Variants in DPY19L1 observed in about 807,000 individuals in gnomAD.
The protein encoded by DPY19L1 is dpy-19 like C-mannosyltransferase 1.
Under a neutral mutation model 96.9 loss-of-function variants are expected in DPY19L1, and 35 were observed. The observed-to-expected ratio is 0.36, with a 90% CI of 0.28 to 0.48. DPY19L1 has a LOEUF of 0.48. Among genes scored for constraint, DPY19L1 ranks in the 20% least tolerant of loss-of-function variants. The pLI is 0.99. For missense variants in DPY19L1, 521 were observed against 777.9 expected (o/e 0.67, Z 3.93); for synonymous variants, 205 against 252.6 (o/e 0.81, Z 1.79).
rs2128667739 is a variant in DPY19L1, at chr7:34,969,541, GATAAA to G, written c.915-14_915-10del. ...TATAAAGTTTTGTAGCCCTTGAAAA[GATAAA>G]ATAAGTGTTAGTAAGTTTAAACACG... On this transcript the variant is annotated splice_polypyrimidine_tract_variant and intron_variant, in intron 8 of 21. Coordinates refer to ENST00000638088, the MANE Select transcript of DPY19L1 (RefSeq NM_001366673.1). The G allele has an allele frequency of 6.7e-7, 1 of 1,486,078 alleles. No homozygotes were observed. The highest frequency in any genetic ancestry group is 1.4e-5 in the African/African-American group (1 of 69,954). 92.1% of individuals were successfully genotyped at this position (1,486,078 alleles called of 1,614,324 possible).
chr7:35,024,102 C>T (rs1366248596), intron 1 of DPY19L1, among the ~76,000 whole-genome samples: 1 of 152,040 alleles, frequency 6.6e-6, no homozygotes, highest in Non-Finnish European at 1.5e-5. Flanking sequence ...TCCCAAAGTG[C>T]CGGGATAACA....
chr7:34,957,424 A>G (rs372169800), intron 11 of DPY19L1, among the ~76,000 whole-genome samples: 6 of 152,190 alleles, frequency 3.9e-5, no homozygotes, highest in Admixed American at 2.6e-4. Context: ...TCATCCTGCC[A>G]TATGTAGCAG....
At chr7:35,008,570 G>A (rs1333733853) in intron 6 of DPY19L1, among the ~76,000 whole-genome samples, 1 of 152,218 alleles carries the variant, frequency 6.6e-6, no homozygotes, top group Non-Finnish European at 1.5e-5. Context: ...GCACACACTT[G>A]TAGTTCCAGC....
intron 6 of DPY19L1, among the ~76,000 whole-genome samples, chr7:34,996,573 C>T (rs978049303): frequency 2.0e-5 from 3 of 152,096 alleles, no homozygotes; most frequent in Non-Finnish European, 4.4e-5. Flanking sequence ...CTCAGGCTCC[C>T]ATCGTCTTCC....
intron 6 of DPY19L1, among the ~76,000 whole-genome samples, chr7:35,007,845 T>C (rs2128677271): frequency 6.6e-6 from 1 of 152,256 alleles, no homozygotes; most frequent in Middle Eastern, 3.4e-3. Context: ...AAGTGTTCTA[T>C]GAGATCATAC....
chr7:34,951,199 T>C (rs905118751), intron 13 of DPY19L1, among the ~76,000 whole-genome samples: 6 of 151,850 alleles, frequency 4.0e-5, no homozygotes, highest in African/African-American at 7.3e-5. Flanking sequence ...AAGGAAGAAA[T>C]AGAAAAGTTG....
chr7:34,959,116 G>C (rs1784437951), intron 10 of DPY19L1, among the ~76,000 whole-genome samples: 1 of 151,960 alleles, frequency 6.6e-6, no homozygotes, highest in South Asian at 2.1e-4. Context: ...TGAAAAAAAA[G>C]CTCATCATAA....
At chr7:34,950,215 C>T (rs1784242114) in intron 13 of DPY19L1, among the ~76,000 whole-genome samples, 1 of 152,132 alleles carries the variant, frequency 6.6e-6, no homozygotes, top group African/African-American at 2.4e-5. Context: ...CTGGAGCCTA[C>T]CAGCAGCTCT....
intron 21 of DPY19L1, among the ~76,000 whole-genome samples, chr7:34,933,532 G>A (rs575968866): frequency 2.0e-5 from 3 of 152,342 alleles, no homozygotes; most frequent in Admixed American, 2.0e-4. Flanking sequence ...GTCTGTGAGG[G>A]TGTTGCCAAG....
At position 34,966,966 on chromosome 7, in the gene DPY19L1, T is replaced by C. The variant is rs756362968; in HGVS notation, c.1020A>G (p.Ala340=). The change falls in exon 10 of 22, where the codon GCA becomes GCG. Residue 340 remains alanine (A), a synonymous_variant. Coordinates refer to ENST00000638088, the MANE Select transcript of DPY19L1 (RefSeq NM_001366673.1). ...FAQFVLLTQI[A]SLFAVYVVGY... is the part of the protein sequence containing the mutation. ...CGACAACATATACTGCAAATAATGATGCAATCTGAAATTTAAAAAGAAATT... is the reference window on the plus strand; with the variant it reads ...CGACAACATATACTGCAAATAATGACGCAATCTGAAATTTAAAAAGAAATT... 1.3e-5 allele frequency: 20 copies of C among 1,525,676 alleles called. No homozygotes were observed. In the Admixed American group the frequency reaches 2.1e-4, roughly 16 times the overall value. 94.5% of individuals were successfully genotyped at this position (1,525,676 alleles called of 1,614,324 possible). A position where few individuals can be genotyped will look rare whatever the true frequency, so the allele number is the denominator to read the frequency against.
chr7:34,935,288 T>A (rs551303038), intron 21 of DPY19L1, among the ~76,000 whole-genome samples: 12 of 152,230 alleles, frequency 7.9e-5, no homozygotes, highest in Non-Finnish European at 4.4e-5. Flanking sequence ...TGTGCAACAC[T>A]ATTTAGTCCT....
At chr7:35,036,667 G>C (rs1449275978) in intron 1 of DPY19L1, among the ~76,000 whole-genome samples, 1 of 152,158 alleles carries the variant, frequency 6.6e-6, no homozygotes, top group Non-Finnish European at 1.5e-5. Context: ...CTACGACATG[G>C]AACGTGCGTT....
chr7:35,009,658 A>C (rs1449943107), intron 6 of DPY19L1, among the ~76,000 whole-genome samples: 1 of 152,186 alleles, frequency 6.6e-6, no homozygotes, highest in Non-Finnish European at 1.5e-5. Flanking sequence ...AGCTGAAACC[A>C]TCTACAGCCA....
intron 6 of DPY19L1, among the ~76,000 whole-genome samples, chr7:34,999,237 A>G (rs775374114): frequency 3.4e-4 from 52 of 152,194 alleles, no homozygotes; most frequent in Non-Finnish European, 6.9e-4. Flanking sequence ...CTAGCCACAC[A>G]CAAAAGGAAC....
intron 6 of DPY19L1, among the ~76,000 whole-genome samples, chr7:35,008,911 T>C (rs1044213508): frequency 4.6e-5 from 7 of 152,204 alleles, no homozygotes; most frequent in African/African-American, 1.7e-4. Context: ...ACAGGCCCAC[T>C]TTCCCTCAAG....
chr7:35,004,295 T>C (rs1370961053), intron 6 of DPY19L1, among the ~76,000 whole-genome samples: 1 of 152,186 alleles, frequency 6.6e-6, no homozygotes, highest in Non-Finnish European at 1.5e-5. Flanking sequence ...TCTCTTCTTC[T>C]GGGAACTTTC....
chr7:34,943,286 A>C (rs1318758418), intron 16 of DPY19L1, among the ~76,000 whole-genome samples: 2 of 152,236 alleles, frequency 1.3e-5, no homozygotes, highest in African/African-American at 4.8e-5. Flanking sequence ...ACAGTTCTTT[A>C]TTCTTCTTTC....
intron 1 of DPY19L1, among the ~76,000 whole-genome samples, chr7:35,024,885 C>T (rs1228851427): frequency 1.3e-5 from 2 of 152,208 alleles, no homozygotes; most frequent in East Asian, 3.9e-4. Context: ...CATCTTTACA[C>T]TACCTAGTAT....
Position 34,981,629 on chromosome 7 carries a change from A to G in DPY19L1, c.823-8024T>C, listed in dbSNP as rs531143196. Among the ~76,000 whole-genome samples, 7 of 152,346 alleles carry G rather than the reference A, an allele frequency of 4.6e-5. No homozygotes were observed. The South Asian group carries it at 1.5e-3, about 32-fold the overall frequency. On this transcript the variant is annotated intron_variant, in intron 7 of 21. Coordinates refer to ENST00000638088, the MANE Select transcript of DPY19L1 (RefSeq NM_001366673.1). ...GAGGTAATGCAAAGCAAAGGACACA[A>G]CATCATATGTGCCATATTCTTCATT...
Sources: allele counts gnomAD v4.1 joint callset (sites outside exome capture counted in the v4.1 genomes callset), GRCh38; gene constraint gnomAD v4.1.1; transcripts MANE v1.5; gene names NCBI Gene and HGNC (gene_info 2026-07-23, HGNC 2026-07-21).